The following ADGRA2 variants were observed in gnomAD, a reference collection of about 807,000 sequenced individuals.
ADGRA2 encodes adhesion G protein-coupled receptor A2.
ADGRA2 carries 61 observed loss-of-function variants against 98.7 expected under a neutral mutation model. The observed-to-expected ratio is 0.62, with a 90% CI of 0.50 to 0.76. The LOEUF (loss-of-function observed/expected upper bound fraction) is 0.76, where lower values mean the gene tolerates loss of function less well. Ranked by LOEUF, ADGRA2 falls within the 30% of genes least tolerant of loss-of-function variation. The pLI, the probability that ADGRA2 is intolerant of heterozygous loss-of-function variation, is 0.00. For synonymous variants in ADGRA2, 858 were observed against 831.5 expected (o/e 1.03, Z -0.55); for missense variants, 1,712 against 1,860.0 (o/e 0.92, Z 1.46).
At chr8:37,820,131 C>A (rs570889266) in intron 2 of ADGRA2, among the ~76,000 whole-genome samples, 2 of 152,288 alleles carry the variant, frequency 1.3e-5, no homozygotes, top group African/African-American at 4.8e-5. Flanking sequence ...GCTTTTAAGG[C>A]CTTCAGCTGA....
intron 1 of ADGRA2, among the ~76,000 whole-genome samples, chr8:37,805,795 G>A (rs2129910623): frequency 6.6e-6 from 1 of 152,168 alleles, no homozygotes; most frequent in South Asian, 2.1e-4. Flanking sequence ...CTTGGACCCG[G>A]GAGGTGGAGG....
intron 2 of ADGRA2, among the ~76,000 whole-genome samples, chr8:37,825,297 G>A (rs1021673804): frequency 9.9e-5 from 15 of 152,128 alleles, no homozygotes; most frequent in Non-Finnish European, 5.9e-5. Flanking sequence ...CTGGCGTGCA[G>A]CAGTGGCGAA....
At chr8:37,816,961 C>T (rs1009342801) in intron 2 of ADGRA2, among the ~76,000 whole-genome samples, 1 of 130,094 alleles carries the variant, frequency 7.7e-6, no homozygotes, top group Non-Finnish European at 1.8e-5. Flanking sequence ...CACACACACA[C>T]ACACACACAC....
In ADGRA2 at chr8:37,842,415, G is replaced by T; in HGVS notation, c.*60G>T. On this transcript the variant is annotated 3_prime_UTR_variant, in exon 19 of 19. Coordinates refer to ENST00000412232, the MANE Select transcript of ADGRA2 (RefSeq NM_032777.10). ...CGCGGCTCGTTCCCCCGCTCCTCGG[G>T]GCCCTCCAAGGTGTCTCCGTAGTCA... 7.1e-7 allele frequency: 1 copy of T among 1,413,148 alleles called. No individual in the cohort carries two copies. The highest frequency in any genetic ancestry group is 1.6e-5 in the South Asian group (1 of 62,352). The allele number at this position is 1,413,148 out of a possible 1,614,324, so 87.5% of individuals were successfully genotyped here. A position where few individuals can be genotyped will look rare whatever the true frequency, so the allele number is the denominator to read the frequency against.
At chr8:37,811,141 G>A (rs957055230) in intron 1 of ADGRA2, among the ~76,000 whole-genome samples, 45 of 104,530 alleles carry the variant, frequency 4.3e-4, no homozygotes, top group East Asian at 1.0e-3. Context: ...AAAAAAAAAA[G>A]AACTTTTATA....
intron 2 of ADGRA2, among the ~76,000 whole-genome samples, chr8:37,819,085 G>A (rs1351406082): frequency 1.3e-5 from 2 of 152,162 alleles, no homozygotes; most frequent in African/African-American, 4.8e-5. Context: ...GGTGGCCTTC[G>A]ATTCCTCATT....
Position 37,842,251 on chromosome 8 carries a change from G to C in ADGRA2, c.3913G>C (p.Ala1305Pro). 2 of 1,558,338 alleles carry C rather than the reference G, an allele frequency of 1.3e-6. No individual in the cohort carries two copies. Among genetic ancestry groups the C allele is most frequent in the Non-Finnish European group, 1.7e-6 (2 of 1,152,732 alleles). Residue 1305 changes from alanine (A) to proline (P), a missense_variant, in exon 19 of 19, where the codon GCC becomes CCC. Physicochemically the swap from Ala to Pro is conservative, Grantham distance 27 (BLOSUM62 -1). Transcript: ENST00000412232. Reference sequence around the variant, plus strand: ...GCTCAACGCCGCCAGCCTAAACGGCGCCCCCAAGGGGGGCAAGTACGACGA... The same window carrying C: ...GCTCAACGCCGCCAGCCTAAACGGCCCCCCCAAGGGGGGCAAGTACGACGA... ...YPLNAASLNG[A>P]PKGGKYDDVT... is the part of the protein sequence containing the mutation.
At position 37,844,566 on chromosome 8, in the gene ADGRA2, G is replaced by T; in HGVS notation, c.*2211G>T. 6.2e-7 allele frequency: 1 copy of T among 1,614,032 alleles called. No homozygotes were observed. The highest frequency in any genetic ancestry group is 8.5e-7 in the Non-Finnish European group (1 of 1,179,998). On this transcript the variant is annotated 3_prime_UTR_variant, in exon 19 of 19. Coordinates refer to ENST00000412232, the MANE Select transcript of ADGRA2 (RefSeq NM_032777.10). ...CTGAAAGTCCCTAACTTCCTGAGGG[G>T]TACGCAAATACTGTTCTATTTCACT...
chr8:37,802,734 C>T lies in ADGRA2; in HGVS notation c.266+5200C>T, dbSNP rs1232105031. On this transcript the variant is annotated intron_variant, in intron 1 of 18. Coordinates refer to ENST00000412232, the MANE Select transcript of ADGRA2 (RefSeq NM_032777.10). This position sits in a 1 kb window ranked among gnomAD's most constrained non-coding sequence, Gnocchi z 4.7. ...ATCCATCCTCTGGGGCCTGGAAGCCCCTCCCCTGAGAGCTCCCTCTGCTGC... is the reference window on the plus strand; with the variant it reads ...ATCCATCCTCTGGGGCCTGGAAGCCTCTCCCCTGAGAGCTCCCTCTGCTGC... 6.6e-6 allele frequency among the ~76,000 whole-genome samples: 1 copy of T among 152,172 alleles called. No individual in the cohort carries two copies. The highest frequency in any genetic ancestry group is 1.5e-5 in the Non-Finnish European group (1 of 68,024).
rs760330873 is a variant in ADGRA2 at position 37,835,224 on chromosome 8, C to T, written c.1659C>T (p.Tyr553=). The T allele has an allele frequency of 2.9e-5, 47 of 1,613,842 alleles. No homozygotes were observed. The highest frequency in any genetic ancestry group is 1.5e-4 in the South Asian group (14 of 91,080). Residue 553 remains tyrosine (Y), a synonymous_variant, in exon 12 of 19, where the codon TAC becomes TAT. Transcript: ENST00000412232. ...CCTACCTCATCAAGCCGCACAGCTACGTGGGCCTGACCTGCACAGCCTTCC... is the reference window on the plus strand; with the variant it reads ...CCTACCTCATCAAGCCGCACAGCTATGTGGGCCTGACCTGCACAGCCTTCC... The part of the protein sequence containing the change: ...LEAYLIKPHS[Y]VGLTCTAFQR...
chr8:37,811,690 G>A (rs1804837263), intron 1 of ADGRA2, among the ~76,000 whole-genome samples: 2 of 151,264 alleles, frequency 1.3e-5, no homozygotes, highest in Admixed American at 1.3e-4. Flanking sequence ...TTGCCAGGCT[G>A]GTCTCAAACT....
chr8:37,810,842 G>A (rs1464769797), intron 1 of ADGRA2, among the ~76,000 whole-genome samples: 2 of 152,108 alleles, frequency 1.3e-5, no homozygotes, highest in East Asian at 2.0e-4. Flanking sequence ...GCTGGGCGCG[G>A]TGGCCGTATC....
Position 37,835,201 on chromosome 8 carries a change from T to C in ADGRA2, c.1636T>C (p.Tyr546His). 1.2e-6 allele frequency: 2 copies of C among 1,613,828 alleles called. No homozygotes were observed. Among genetic ancestry groups the C allele is most frequent in the Non-Finnish European group, 1.7e-6 (2 of 1,179,882 alleles). ...VNARNVALEA[Y>H]LIKPHSYVGL... is the part of the protein sequence containing the mutation. ...TGCGAGGAACGTGGCATTGGAGGCC[T>C]ACCTCATCAAGCCGCACAGCTACGT... Residue 546 changes from tyrosine to histidine, a missense_variant, in exon 12 of 19, where the codon TAC (tyrosine) becomes CAC (histidine). Transcript: ENST00000412232.
chr8:37,797,106 G>T lies in ADGRA2; in HGVS notation c.-163G>T. 1 of 338,220 alleles carries T rather than the reference G, an allele frequency of 3.0e-6. No individual in the cohort carries two copies. The highest frequency in any genetic ancestry group is 4.7e-6 in the Non-Finnish European group (1 of 211,512). 21.0% of individuals were successfully genotyped at this position (338,220 alleles called of 1,614,324 possible). On this transcript the variant is annotated 5_prime_UTR_variant, in exon 1 of 19. Transcript: ENST00000412232. The surrounding 1 kb of genome is among the most constrained non-coding windows in gnomAD (Gnocchi z 5.3). ...GGGCGCTCGCAGGACATGCCCCCGG[G>T]GCGCGGCGGCGGGGACCCCGGGGCT...
chr8:37,838,982 G>A lies in ADGRA2; in HGVS notation c.2286G>A (p.Val762=). ...AGCTGAGCGCCTTTCCCAGGGAGGTGGGGGGCGCCGGGGCAGGGCTGCACC... is the reference window on the plus strand; with the variant it reads ...AGCTGAGCGCCTTTCCCAGGGAGGTAGGGGGCGCCGGGGCAGGGCTGCACC... ...LMELSAFPRE[V]GGAGAGLHPV... is the part of the protein sequence containing the mutation. Residue 762 remains valine, a synonymous_variant, in exon 15 of 19, where the codon GTG becomes GTA. Coordinates refer to ENST00000412232, the MANE Select transcript of ADGRA2 (RefSeq NM_032777.10). The A allele has an allele frequency of 6.3e-7, 1 of 1,575,608 alleles. No homozygotes were observed. The highest frequency in any genetic ancestry group is 8.6e-7 in the Non-Finnish European group (1 of 1,161,314).
At position 37,838,985 on chromosome 8, in the gene ADGRA2, G is replaced by A. The variant is rs1386950005; in HGVS notation, c.2289G>A (p.Gly763=). The A allele has an allele frequency of 6.3e-7, 1 of 1,577,146 alleles. No individual in the cohort carries two copies. The highest frequency in any genetic ancestry group is 2.3e-5 in the East Asian group (1 of 44,318). The stretch of plus-strand genomic sequence containing the variant: ...TGAGCGCCTTTCCCAGGGAGGTGGG[G>A]GGCGCCGGGGCAGGGCTGCACCCCG... The part of the protein sequence containing the change: ...MELSAFPREV[G]GAGAGLHPVV... Residue 763 remains glycine, a synonymous_variant, in exon 15 of 19, where the codon GGG becomes GGA. Transcript: ENST00000412232.
chr8:37,829,061 T>A (rs1304193152), intron 3 of ADGRA2, 102 bp downstream of exon 3: 2 of 309,912 alleles, frequency 6.5e-6, no homozygotes, highest in Non-Finnish European at 8.4e-6. Context: ...CCCCCACACC[T>A]GCCCCTCCTT....
chr8:37,830,014 G>C lies in ADGRA2; in HGVS notation c.718G>C (p.Glu240Gln). ...GSLQEAQLCC[E>Q]GALELHTHHL... ...CCTCCAGGAGGCCCAGCTCTGCTGCGGTGAGCAAGTCCCCCCAGCTACACA... is the reference window on the plus strand; with the variant it reads ...CCTCCAGGAGGCCCAGCTCTGCTGCCGTGAGCAAGTCCCCCCAGCTACACA... Residue 240 changes from glutamate (E) to glutamine (Q), a missense_variant and splice_region_variant, in exon 6 of 19, where the codon GAG becomes CAG. Coordinates refer to ENST00000412232, the MANE Select transcript of ADGRA2 (RefSeq NM_032777.10). This position sits in a 1 kb window ranked among gnomAD's most constrained non-coding sequence, Gnocchi z 4.8. 3 of 1,539,916 alleles carry C rather than the reference G, an allele frequency of 1.9e-6. No individual in the cohort carries two copies. The highest frequency in any genetic ancestry group is 2.6e-6 in the Non-Finnish European group (3 of 1,144,686).
At chr8:37,837,044 C>T (rs1805634359) in intron 13 of ADGRA2, among the ~76,000 whole-genome samples, 1 of 152,216 alleles carries the variant, frequency 6.6e-6, no homozygotes, top group African/African-American at 2.4e-5. Context: ...GTTGTAAGTG[C>T]AGCTCGTTGT....
Sources: gnomAD v4.1 joint callset for allele counts (sites outside exome capture counted in the v4.1 genomes callset) on GRCh38, gnomAD v4.1.1 for gene constraint, Gnocchi (gnomAD v3.1) non-coding constraint, MANE v1.5 for transcripts, NCBI Gene and HGNC (gene_info 2026-07-23, HGNC 2026-07-21) for gene names.